The following IMMT variants were observed in gnomAD, a reference collection of about 807,000 sequenced individuals.
IMMT encodes MICOS complex subunit MIC60.
In IMMT, 40 loss-of-function variants were observed where a neutral mutation model predicts 92.7. The ratio of observed to expected loss-of-function variants is 0.43; its 90% CI spans 0.34 to 0.56. IMMT has a LOEUF of 0.56. IMMT is among the 20% of genes least tolerant of loss of function. The pLI is 0.03. For missense variants in IMMT, 831 were observed against 912.1 expected (o/e 0.91, Z 1.14); for synonymous variants, 322 against 336.1 (o/e 0.96, Z 0.46).
intron 12 of IMMT, among the ~76,000 whole-genome samples, chr2:86,150,426 A>G (rs4569473): frequency 0.51 from 78,135 of 151,958 alleles, 20,467 homozygotes; most frequent in Non-Finnish European, 0.55. Flanking sequence ...CAGCAAGGTA[A>G]GAGAAAGGCC....
At chr2:86,157,047 G>A (rs1408653035) in intron 10 of IMMT, among the ~76,000 whole-genome samples, 1 of 152,184 alleles carries the variant, frequency 6.6e-6, no homozygotes, top group Non-Finnish European at 1.5e-5. Context: ...AAATTCTGAT[G>A]AGGGAAGCAG....
chr2:86,179,007 G>A (rs1383585144), intron 3 of IMMT, among the ~76,000 whole-genome samples: 6 of 152,184 alleles, frequency 3.9e-5, no homozygotes, highest in Admixed American at 3.9e-4. Context: ...GTTGCGGTGA[G>A]GCGAGATCAT....
intron 3 of IMMT, among the ~76,000 whole-genome samples, chr2:86,177,802 T>C (rs1442983552): frequency 2.6e-5 from 4 of 152,188 alleles, no homozygotes; most frequent in African/African-American, 4.8e-5. Flanking sequence ...CTTGTTTTTA[T>C]AGTGTTCTAA....
At chr2:86,170,712 G>A (rs1427501538) in intron 6 of IMMT, 37 bp downstream of exon 6, 6 of 1,380,012 alleles carry the variant, frequency 4.3e-6, no homozygotes, top group Admixed American at 2.0e-5. Flanking sequence ...ACTGGGAGAT[G>A]ACCCAAAATC....
intron 8 of IMMT, chr2:86,160,001 A>C (rs550902830): frequency 6.0e-6 from 1 of 165,582 alleles, no homozygotes. Context: ...GACTAGAACG[A>C]GACTGTTCGA....
intron 11 of IMMT, among the ~76,000 whole-genome samples, chr2:86,152,588 C>T (rs1044505043): frequency 4.0e-5 from 6 of 151,732 alleles, no homozygotes; most frequent in Admixed American, 2.6e-4. Flanking sequence ...TGGTGAAACC[C>T]TGACTCTACT....
chr2:86,170,018 G>A (rs998891579), intron 6 of IMMT, among the ~76,000 whole-genome samples: 4 of 152,218 alleles, frequency 2.6e-5, no homozygotes, highest in African/African-American at 9.6e-5. Context: ...AGAGAGTCCA[G>A]AGGCTAGATG....
intron 7 of IMMT, among the ~76,000 whole-genome samples, chr2:86,164,052 A>ATTTTT (rs540613367): frequency 0.26 from 16,206 of 62,758 alleles, 3,528 homozygotes; most frequent in Non-Finnish European, 0.38. Flanking sequence ...CACTTTAGTC[A>ATTTTT]TTTTTTTTTT....
At chr2:86,145,516 A>G (rs1028826196) in intron 14 of IMMT, among the ~76,000 whole-genome samples, 3 of 139,406 alleles carry the variant, frequency 2.2e-5, no homozygotes, top group African/African-American at 7.8e-5. Flanking sequence ...AAAAAAAAAA[A>G]AAGAAATGGG....
intron 1 of IMMT, among the ~76,000 whole-genome samples, chr2:86,187,915 GAA>G (rs903605522): frequency 6.3e-5 from 8 of 127,422 alleles, no homozygotes; most frequent in African/African-American, 2.0e-4. Flanking sequence ...TCTGTCTCCA[GAA>G]AAAAAAAAAA....
rs761544487 is a variant in IMMT, at chr2:86,179,451, A to C, written c.291T>G (p.Val97=). Residue 97 remains valine, a synonymous_variant, in exon 3 of 15, where the codon GTT becomes GTG. Transcript: ENST00000410111. ...EMVLGPAAYN[V]PLPKKSIQSG... ...CTCTTACCGATTTCTTTGGCAATGG[A>C]ACATTATAAGCTGCAGGACCAAGAA... is the stretch of plus-strand genomic sequence containing the variant. The C allele has an allele frequency of 2.5e-6, 4 of 1,593,100 alleles. No individual in the cohort carries two copies. Among genetic ancestry groups the C allele is most frequent in the Admixed American group, 1.9e-5 (1 of 53,672 alleles).
At chr2:86,170,577 A>G (rs1573919242) in intron 6 of IMMT, among the ~76,000 whole-genome samples, 172 bp downstream of exon 6, 2 of 152,314 alleles carry the variant, frequency 1.3e-5, no homozygotes, top group Admixed American at 1.3e-4. Context: ...ACTTAGGTAA[A>G]AGAAGTTTAG....
chr2:86,186,494 G>A lies in IMMT; in HGVS notation c.46-5122C>T, dbSNP rs545097067. ...GAAAGTGATGCTCTGTAACTCCTGA[G>A]ACTAAGACATAAAAAGGATACAGCT... is the stretch of plus-strand genomic sequence containing the variant. On this transcript the variant is annotated intron_variant, in intron 1 of 14. Coordinates refer to ENST00000410111, the MANE Select transcript of IMMT (RefSeq NM_006839.3). Among the ~76,000 whole-genome samples, 5 of 152,298 alleles carry A rather than the reference G, an allele frequency of 3.3e-5. No individual in the cohort carries two copies. The East Asian group carries it at 9.6e-4, about 29-fold the overall frequency.
intron 8 of IMMT, 167 bp downstream of exon 8, chr2:86,161,809 C>T (rs574189661): frequency 2.0e-5 from 11 of 548,482 alleles, no homozygotes; most frequent in African/African-American, 7.8e-5. Context: ...CCACCGTGCC[C>T]GGCCTGTACA....
chr2:86,165,846 T>C (rs1485010269), intron 7 of IMMT, among the ~76,000 whole-genome samples: 1 of 152,222 alleles, frequency 6.6e-6, no homozygotes, highest in Admixed American at 6.5e-5. Context: ...GTTTGAGAAG[T>C]ATCTTAAAAA....
intron 3 of IMMT, 40 bp from the exon 4 acceptor site, chr2:86,173,801 T>C (rs1199956609): frequency 9.1e-7 from 1 of 1,097,556 alleles, no homozygotes; most frequent in Admixed American, 2.2e-5. Flanking sequence ...GATATACTAC[T>C]GTTTTTTAAA....
chr2:86,177,796 T>C (rs539309496), intron 3 of IMMT, among the ~76,000 whole-genome samples: 1 of 152,226 alleles, frequency 6.6e-6, no homozygotes, highest in Admixed American at 6.5e-5. Flanking sequence ...TCTGCACTTG[T>C]TTTTATAGTG....
At chr2:86,146,532 A>G (rs2104541201) in intron 13 of IMMT, among the ~76,000 whole-genome samples, 1 of 151,550 alleles carries the variant, frequency 6.6e-6, no homozygotes. Context: ...CACCATGCCA[A>G]TTATTGTATT....
intron 10 of IMMT, among the ~76,000 whole-genome samples, chr2:86,157,965 G>A (rs1341573595): frequency 2.0e-5 from 3 of 151,830 alleles, no homozygotes; most frequent in Non-Finnish European, 2.9e-5. Flanking sequence ...AAAAATAAAC[G>A]GTATTTTAAT....
Sources: gnomAD v4.1 joint callset for allele counts (sites outside exome capture counted in the v4.1 genomes callset) on GRCh38, gnomAD v4.1.1 for gene constraint, MANE v1.5 for transcripts, NCBI Gene and HGNC (gene_info 2026-07-23, HGNC 2026-07-21) for gene names.